BCKDHA: variants seen among roughly 807,000 people sequenced by gnomAD.
BCKDHA encodes the protein 2-oxoisovalerate dehydrogenase subunit alpha, mitochondrial.
A neutral mutation model predicts 52.2 loss-of-function variants in BCKDHA; 43 were observed. The observed-to-expected ratio is 0.82, with a 90% confidence interval of 0.64 to 1.06. BCKDHA has a LOEUF of 1.06. BCKDHA is among the 50% of genes least tolerant of loss of function. The probability of loss-of-function intolerance (pLI) is 0.00; values close to 1 mark genes in which losing one functional copy is unlikely to be tolerated. For synonymous variants in BCKDHA, 234 were observed against 247.9 expected, an observed-to-expected ratio of 0.94 and a Z score of 0.53; for missense variants, 527 against 621.3, an observed-to-expected ratio of 0.85 and a Z score of 1.61.
chr19:41,400,751 T>G (rs1486021152), intron 1 of BCKDHA, among the ~76,000 whole-genome samples: 1 of 151,882 alleles, frequency 6.6e-6, no homozygotes, highest in African/African-American at 2.4e-5. Context: ...GGCTCATGCC[T>G]GTAATCCCAG....
intron 8 of BCKDHA, 90 bp from the exon 9 acceptor site, chr19:41,424,348 G>C: frequency 7.0e-7 from 1 of 1,426,490 alleles, no homozygotes; most frequent in Middle Eastern, 1.8e-4. Flanking sequence ...AAGGCTTGGA[G>C]TGGTTAATTC....
chr19:41,403,460 G>A (rs1263165216), intron 1 of BCKDHA, among the ~76,000 whole-genome samples: 1 of 152,188 alleles, frequency 6.6e-6, no homozygotes, highest in Non-Finnish European at 1.5e-5. Flanking sequence ...TAAATAAAGT[G>A]CTTTGAGTGG....
intron 1 of BCKDHA, among the ~76,000 whole-genome samples, chr19:41,406,463 T>A (rs2039194194): frequency 6.6e-6 from 1 of 152,090 alleles, no homozygotes; most frequent in South Asian, 2.1e-4. Context: ...AATGGTGCAG[T>A]CATGGCTCAC....
chr19:41,400,117 A>G (rs1485646698), intron 1 of BCKDHA, among the ~76,000 whole-genome samples: 2 of 151,678 alleles, frequency 1.3e-5, no homozygotes, highest in Non-Finnish European at 2.9e-5. Context: ...GGCTGGAGTG[A>G]GTGCAGTGGT....
At chr19:41,406,285 G>T (rs1031293407) in intron 1 of BCKDHA, among the ~76,000 whole-genome samples, 2 of 152,098 alleles carry the variant, frequency 1.3e-5, no homozygotes, top group African/African-American at 4.8e-5. Context: ...TCAGACTCTG[G>T]CCTCCCCTCT....
chr19:41,419,002 T>C, intron 4 of BCKDHA, 133 bp from the exon 5 acceptor site: 1 of 1,084,890 alleles, frequency 9.2e-7, no homozygotes, highest in Non-Finnish European at 1.4e-6. Flanking sequence ...TCAGTCAGTC[T>C]GAACATCAGT....
intron 3 of BCKDHA, among the ~76,000 whole-genome samples, chr19:41,413,698 A>C (rs1599954964): frequency 2.0e-5 from 3 of 151,016 alleles, no homozygotes; most frequent in African/African-American, 4.9e-5. Context: ...ATCTTTCCCC[A>C]CCCCTACCAC....
intron 1 of BCKDHA, among the ~76,000 whole-genome samples, chr19:41,403,777 C>G (rs114855860): frequency 6.6e-6 from 1 of 152,152 alleles, no homozygotes; most frequent in African/African-American, 2.4e-5. Flanking sequence ...CACGAGGGCA[C>G]GCAGGTTCAC....
At chr19:41,413,044 C>A (rs11880539) in intron 3 of BCKDHA, among the ~76,000 whole-genome samples, 83,733 of 151,966 alleles carry the variant, frequency 0.55, 23,497 homozygotes, top group Middle Eastern at 0.61. Context: ...AGCTGCTCAG[C>A]AGCACACTCT....
At chr19:41,411,329 G>T (rs1386336233) in intron 3 of BCKDHA, among the ~76,000 whole-genome samples, 1 of 152,176 alleles carries the variant, frequency 6.6e-6, no homozygotes, top group South Asian at 2.1e-4. Flanking sequence ...TGGGTCCCCA[G>T]TGCTTCCTGG....
intron 3 of BCKDHA, among the ~76,000 whole-genome samples, chr19:41,412,638 A>G (rs1390476648): frequency 6.6e-6 from 1 of 151,688 alleles, no homozygotes; most frequent in East Asian, 1.9e-4. Context: ...TTGGCCTCCC[A>G]AAATGGTAGG....
intron 4 of BCKDHA, among the ~76,000 whole-genome samples, chr19:41,414,564 C>T (rs567760169): frequency 6.6e-6 from 1 of 152,284 alleles, no homozygotes; most frequent in South Asian, 2.1e-4. Context: ...GTGCAGTGAT[C>T]CCCTGGCCCC....
intron 1 of BCKDHA, 68 bp downstream of exon 1, chr19:41,398,003 T>C: frequency 7.4e-7 from 1 of 1,359,550 alleles, no homozygotes; most frequent in Non-Finnish European, 1.0e-6. Context: ...CTTCAGAGTG[T>C]GGGGTCCCTG....
chr19:41,403,442 C>T (rs1041875586), intron 1 of BCKDHA, among the ~76,000 whole-genome samples: 2 of 152,168 alleles, frequency 1.3e-5, no homozygotes, highest in Non-Finnish European at 2.9e-5. Context: ...TCAGTGAGCA[C>T]ATAGGTGTAA....
chr19:41,415,495 GTAAGGAGTTGAGT>G (rs1389796992), intron 4 of BCKDHA: 3 of 152,272 alleles, frequency 2.0e-5, no homozygotes, highest in African/African-American at 7.2e-5. Context: ...ATGGTGCAGG[GTAAGGAGTTGAGT>G]CACATCCACT....
intron 4 of BCKDHA, among the ~76,000 whole-genome samples, chr19:41,416,690 C>T (rs948384923): frequency 1.3e-5 from 2 of 152,036 alleles, no homozygotes; most frequent in South Asian, 2.1e-4. Context: ...GAGGCTGAGG[C>T]GGGAGGATTG....
rs574890988 is a variant in BCKDHA at position 41,397,848 on chromosome 19, A to C, written c.21A>C (p.Ala7=). 114 of 1,614,188 alleles carry C rather than the reference A, an allele frequency of 7.1e-5. No individual in the cohort carries two copies. The South Asian group carries it at 8.9e-4, about 13-fold the overall frequency. MAVAIA[A]ARVWRLNRGL... Reference sequence around the variant, plus strand: ...CCAAGATGGCGGTAGCGATCGCTGCAGCGAGGGTCTGGCGGCTAAACCGTG... The same window carrying C: ...CCAAGATGGCGGTAGCGATCGCTGCCGCGAGGGTCTGGCGGCTAAACCGTG... Residue 7 remains alanine, a synonymous_variant, in exon 1 of 9, where the codon GCA becomes GCC. Coordinates refer to ENST00000269980, the MANE Select transcript of BCKDHA (RefSeq NM_000709.4).
At chr19:41,410,863 C>T (rs201219694) in intron 2 of BCKDHA, 47 bp downstream of exon 2, 2 of 1,613,632 alleles carry the variant, frequency 1.2e-6, no homozygotes, top group African/African-American at 1.3e-5. Flanking sequence ...CGCCCAGGCC[C>T]CTTGCCTGTC....
intron 3 of BCKDHA, among the ~76,000 whole-genome samples, chr19:41,412,752 G>A (rs1412039068): frequency 6.6e-6 from 1 of 151,702 alleles, no homozygotes; most frequent in African/African-American, 2.4e-5. Flanking sequence ...CGCCCAGGCT[G>A]GAGTGCAGTG....
Sources: allele counts gnomAD v4.1 joint callset (sites outside exome capture counted in the v4.1 genomes callset), GRCh38; gene constraint gnomAD v4.1.1; transcripts MANE v1.5; gene names NCBI Gene and HGNC (gene_info 2026-07-23, HGNC 2026-07-21).